SLC39A10: variants seen among roughly 807,000 people sequenced by gnomAD.
SLC39A10 encodes the protein solute carrier family 39 member 10.
A neutral mutation model predicts 65.1 loss-of-function variants in SLC39A10; 13 were observed. The observed-to-expected ratio is 0.20, with a 90% CI of 0.13 to 0.32. The LOEUF is 0.32. SLC39A10 is among the 10% of genes least tolerant of loss of function. The pLI is 1.00. For synonymous variants in SLC39A10, 321 were observed against 342.2 expected (o/e 0.94, Z 0.68); for missense variants, 831 against 1,018.4 (o/e 0.82, Z 2.50).
intron 1 of SLC39A10, among the ~76,000 whole-genome samples, chr2:195,661,469 G>A (rs1477029543): frequency 6.6e-6 from 1 of 152,010 alleles, no homozygotes; most frequent in East Asian, 1.9e-4. Context: ...CAAACTCTTG[G>A]GCTCAGGCAA....
intron 6 of SLC39A10, among the ~76,000 whole-genome samples, chr2:195,714,508 C>T (rs1309517642): frequency 6.6e-6 from 1 of 151,988 alleles, no homozygotes; most frequent in African/African-American, 2.4e-5. Context: ...CATTTATTAC[C>T]TGTGGTAAAG....
At chr2:195,711,577 T>G (rs1476631756) in intron 5 of SLC39A10, among the ~76,000 whole-genome samples, 1 of 152,194 alleles carries the variant, frequency 6.6e-6, no homozygotes, top group Non-Finnish European at 1.5e-5. Context: ...ATGAAAAGGT[T>G]ATGGCATTCT....
intron 3 of SLC39A10, among the ~76,000 whole-genome samples, chr2:195,693,454 A>AT (rs1394222699): frequency 3.3e-5 from 5 of 151,664 alleles, no homozygotes; most frequent in Admixed American, 6.6e-5. Flanking sequence ...CTGGTCCTGG[A>AT]CTTTTTTTTG....
intron 2 of SLC39A10, among the ~76,000 whole-genome samples, chr2:195,617,521 C>CA (rs1369739064): frequency 6.6e-6 from 1 of 151,800 alleles, no homozygotes; most frequent in African/African-American, 2.4e-5. Context: ...GGGATTGTGC[C>CA]ACTGTACTCC....
At chr2:195,698,256 A>G (rs1485668928) in intron 3 of SLC39A10, among the ~76,000 whole-genome samples, 1 of 152,170 alleles carries the variant, frequency 6.6e-6, no homozygotes, top group East Asian at 1.9e-4. Flanking sequence ...TCTATATGTA[A>G]GATCAAGTGC....
At chr2:195,623,541 A>T (rs1292075964) in intron 2 of SLC39A10, among the ~76,000 whole-genome samples, 1 of 152,154 alleles carries the variant, frequency 6.6e-6, no homozygotes, top group Non-Finnish European at 1.5e-5. Flanking sequence ...AATAACTGGT[A>T]CTCCACAGTT....
intron 1 of SLC39A10, among the ~76,000 whole-genome samples, chr2:195,676,186 C>T (rs546518411): frequency 5.3e-4 from 80 of 149,752 alleles, no homozygotes; most frequent in African/African-American, 1.8e-3. Flanking sequence ...GCTTCCCCCT[C>T]CCCTGCCGCC....
chr2:195,716,862 A>C lies in SLC39A10; in HGVS notation c.1922A>C (p.His641Pro). ...ENKTVLRKHN[H>P]QWHHKHSHHS... is the part of the protein sequence containing the mutation. ...AAAACTGTGCTGAGGAAGCATAATCACCAGTGGCACCACAAGCATTCTCAT... is the reference window on the plus strand; with the variant it reads ...AAAACTGTGCTGAGGAAGCATAATCCCCAGTGGCACCACAAGCATTCTCAT... The change falls in exon 7 of 10, where the codon CAC (histidine) becomes CCC (proline). Residue 641 changes from histidine (H) to proline (P), a missense_variant. His to Pro is a moderately conservative substitution (Grantham distance 77). This residue lies in a region of SLC39A10 where 230 missense variants were observed against 242.9 expected (regional missense o/e 0.95). Coordinates refer to ENST00000359634, the MANE Select transcript of SLC39A10 (RefSeq NM_020342.3). The C allele has an allele frequency of 6.2e-7, 1 of 1,614,152 alleles. No individual in the cohort carries two copies. The highest frequency in any genetic ancestry group is 8.5e-7 in the Non-Finnish European group (1 of 1,180,024).
intron 4 of SLC39A10, among the ~76,000 whole-genome samples, chr2:195,707,000 TA>T (rs991090547): frequency 6.8e-4 from 104 of 152,086 alleles, no homozygotes; most frequent in African/African-American, 2.1e-3. Context: ...CAATAGTCTT[TA>T]AAAAAAACTC....
chr2:195,645,802 T>C (rs1688902645), intron 2 of SLC39A10, among the ~76,000 whole-genome samples: 1 of 152,180 alleles, frequency 6.6e-6, no homozygotes, highest in Admixed American at 6.5e-5. Context: ...ATTACCTTGA[T>C]CAAAAAAATA....
intron 2 of SLC39A10, among the ~76,000 whole-genome samples, chr2:195,643,603 T>C (rs1242270533): frequency 9.2e-5 from 14 of 152,256 alleles, no homozygotes; most frequent in Non-Finnish European, 1.5e-4. Flanking sequence ...AGCTGATTAC[T>C]GATGGCTTGA....
In SLC39A10 at chr2:195,735,627, C is replaced by CTATT. The variant is rs1467884079; in HGVS notation, c.*588_*591dup. 1 of 152,470 alleles carries CTATT rather than the reference C, an allele frequency of 6.6e-6. No homozygotes were observed. The highest frequency in any genetic ancestry group is 2.4e-5 in the African/African-American group (1 of 41,390). 9.4% of individuals were successfully genotyped at this position (152,470 alleles called of 1,614,324 possible). ...GCCCTTATTCTTGAATCTAGAGTTA[C>CTATT]TATTTTTGTATATATTTGCATAGTG... is the stretch of plus-strand genomic sequence containing the variant. On this transcript the variant is annotated 3_prime_UTR_variant, in exon 10 of 10. Transcript: ENST00000359634.
At chr2:195,613,671 A>G (rs1688145227) in intron 2 of SLC39A10, among the ~76,000 whole-genome samples, 2 of 152,216 alleles carry the variant, frequency 1.3e-5, no homozygotes, top group South Asian at 4.1e-4. Context: ...AAGCTTTTAG[A>G]CTGTCTTTTT....
chr2:195,634,155 A>G (rs374161624), intron 2 of SLC39A10, among the ~76,000 whole-genome samples: 1 of 152,388 alleles, frequency 6.6e-6, no homozygotes, highest in South Asian at 2.1e-4. Flanking sequence ...ACTAAAGACC[A>G]CATCCCCAGC....
intron 3 of SLC39A10, among the ~76,000 whole-genome samples, chr2:195,705,587 C>CA (rs1157626676): frequency 6.6e-6 from 1 of 151,878 alleles, no homozygotes; most frequent in Non-Finnish European, 1.5e-5. Flanking sequence ...TGTATTTTTT[C>CA]AATATTATAT....
rs1476967891 is a variant in SLC39A10, at chr2:195,716,838, A to G, written c.1898A>G (p.Lys633Arg). The G allele has an allele frequency of 1.9e-6, 3 of 1,614,038 alleles. No individual in the cohort carries two copies. The highest frequency in any genetic ancestry group is 2.7e-5 in the African/African-American group (2 of 74,906). ...AAAHNHHGEN[K>R]TVLRKHNHQW... ...GCACATAACCACCACGGCGAGAACA[A>G]AACTGTGCTGAGGAAGCATAATCAC... The change falls in exon 7 of 10, where the codon AAA becomes AGA. Residue 633 changes from lysine (K) to arginine (R), a missense_variant. Lys to Arg is a conservative substitution (Grantham distance 26, BLOSUM62 2). Coordinates refer to ENST00000359634, the MANE Select transcript of SLC39A10 (RefSeq NM_020342.3).
intron 3 of SLC39A10, among the ~76,000 whole-genome samples, chr2:195,687,418 C>T (rs1434668281): frequency 6.6e-6 from 1 of 151,774 alleles, no homozygotes; most frequent in Non-Finnish European, 1.5e-5. Context: ...TGTAATATTG[C>T]CATAATCAAT....
intron 9 of SLC39A10, among the ~76,000 whole-genome samples, chr2:195,730,620 A>G (rs1385014283): frequency 2.6e-5 from 4 of 152,184 alleles, no homozygotes. Flanking sequence ...AAAAGATGTA[A>G]GTAATTTCAT....
In SLC39A10 at chr2:195,718,350, A is replaced by C. The variant is rs776817988; in HGVS notation, c.2146+18A>C. The C allele has an allele frequency of 7.7e-6, 12 of 1,554,840 alleles. No individual in the cohort carries two copies. The highest frequency in any genetic ancestry group is 3.4e-5 in the Admixed American group (2 of 58,312). On this transcript the variant is annotated intron_variant, in intron 8 of 9. Transcript: ENST00000359634. ...TGAATTAGGTAATATAACCTTAAAA[A>C]TTTTACCAGATTTCATCAAATCTAA...
Sources: gnomAD v4.1 joint callset for allele counts (sites outside exome capture counted in the v4.1 genomes callset) on GRCh38, gnomAD v4.1.1 for gene constraint, gnomAD v4.1.1 regional missense constraint, MANE v1.5 for transcripts, NCBI Gene and HGNC (gene_info 2026-07-23, HGNC 2026-07-21) for gene names.